FTCDNL1: variants seen among roughly 807,000 people sequenced by gnomAD.
FTCDNL1 encodes the protein formiminotransferase cyclodeaminase N-terminal like, also known as formiminotransferase N-terminal subdomain-containing protein.
Under a neutral mutation model 5.9 loss-of-function variants are expected in FTCDNL1, and 11 were observed. That is an observed-to-expected ratio of 1.87 (90% CI 1.18 to 3.10). The LOEUF is 3.10. FTCDNL1 is among the 30% of genes most tolerant of loss of function. The pLI, the probability that FTCDNL1 is intolerant of heterozygous loss-of-function variation, is 0.00. For missense variants in FTCDNL1, 115 were observed against 65.5 expected, an observed-to-expected ratio of 1.76 and a Z score of -2.61; for synonymous variants, 58 against 24.8, an observed-to-expected ratio of 2.34 and a Z score of -3.99.
chr2:199,683,214 C>G, the FTCDNL1 span, among the ~76,000 whole-genome samples: 2 of 151,974 alleles, frequency 1.3e-5, no homozygotes, highest in Non-Finnish European at 2.9e-5. Context: ...GCGAGCCATT[C>G]CATGAAAAAC....
chr2:199,703,148 G>A, the FTCDNL1 span, among the ~76,000 whole-genome samples: 7 of 151,990 alleles, frequency 4.6e-5, no homozygotes, highest in African/African-American at 1.7e-4. Flanking sequence ...CTGGTGTGCT[G>A]CACCCATTAA....
the FTCDNL1 span, among the ~76,000 whole-genome samples, chr2:199,711,237 CCA>C: frequency 1.3e-5 from 2 of 151,502 alleles, no homozygotes; most frequent in South Asian, 2.1e-4. Flanking sequence ...GAATTCACAC[CCA>C]CAGTTTTTCA....
chr2:199,813,304 T>C (rs1225158967), intron 4 of FTCDNL1, among the ~76,000 whole-genome samples: 2 of 152,252 alleles, frequency 1.3e-5, no homozygotes, highest in African/African-American at 4.8e-5. Flanking sequence ...AGATCAAAAT[T>C]ATTCTCAAAA....
chr2:199,678,134 G>A, the FTCDNL1 span, among the ~76,000 whole-genome samples: 39 of 151,476 alleles, frequency 2.6e-4, no homozygotes, highest in Non-Finnish European at 5.7e-4. Flanking sequence ...GTTGGAGATT[G>A]GGGGTTTGGA....
the FTCDNL1 span, among the ~76,000 whole-genome samples, chr2:199,720,759 A>G: frequency 6.6e-6 from 1 of 152,160 alleles, no homozygotes; most frequent in East Asian, 1.9e-4. Flanking sequence ...TTTTCAAGTA[A>G]GGTCACATTC....
chr2:199,764,061 C>T (rs1170843543), intron 3 of FTCDNL1, among the ~76,000 whole-genome samples: 2 of 152,096 alleles, frequency 1.3e-5, no homozygotes, highest in Non-Finnish European at 2.9e-5. Flanking sequence ...AGGCTGGTCT[C>T]GAACTCCTGA....
chr2:199,736,102 A>C, the FTCDNL1 span, among the ~76,000 whole-genome samples: 6 of 152,088 alleles, frequency 3.9e-5, no homozygotes, highest in African/African-American at 1.4e-4. Flanking sequence ...CAGCCCACCA[A>C]CTCCAGCATT....
rs1559221105 is a variant in FTCDNL1, at chr2:199,821,675, C to T, written c.212-1918G>A. Among the ~76,000 whole-genome samples, 4 of 152,004 alleles carry T rather than the reference C, an allele frequency of 2.6e-5. No individual in the cohort carries two copies. The South Asian group carries it at 8.3e-4, about 32-fold the overall frequency. On this transcript the variant is annotated intron_variant, in intron 3 of 4. Transcript: ENST00000420128. ...ACGGAGTTTCACCATGTTGGCCAGG[C>T]TGGTCTCAAACTTCTCACCTCAAGT...
the FTCDNL1 span, among the ~76,000 whole-genome samples, chr2:199,743,544 G>C: frequency 6.6e-6 from 1 of 152,184 alleles, no homozygotes; most frequent in Non-Finnish European, 1.5e-5. Flanking sequence ...CAAAGGTGTA[G>C]ATGGAGTGGT....
At chr2:199,772,130 C>A (rs181730827) in intron 3 of FTCDNL1, among the ~76,000 whole-genome samples, 80 of 152,274 alleles carry the variant, frequency 5.3e-4, no homozygotes, top group Non-Finnish European at 9.7e-4. Flanking sequence ...AAGGTGTCTT[C>A]TAAGTGACTA....
chr2:199,716,033 TAAAAAAAAAAAAAA>T, the FTCDNL1 span, among the ~76,000 whole-genome samples: 199 of 108,932 alleles, frequency 1.8e-3, 1 homozygote, highest in East Asian at 3.3e-3. Context: ...TGCCTCTAGT[TAAAAAAAAAAAAAA>T]AAAAAAAAAA....
chr2:199,803,507 T>A (rs940531448), intron 3 of FTCDNL1, among the ~76,000 whole-genome samples: 3 of 152,180 alleles, frequency 2.0e-5, no homozygotes, highest in African/African-American at 7.2e-5. Context: ...TCTCACTCTG[T>A]CACCGAGGAT....
chr2:199,749,584 G>A, the FTCDNL1 span, among the ~76,000 whole-genome samples: 1 of 152,052 alleles, frequency 6.6e-6, no homozygotes, highest in African/African-American at 2.4e-5. Context: ...TGAATGGAAA[G>A]TATTAACATT....
downstream of FTCDNL1, among the ~76,000 whole-genome samples, chr2:199,758,466 A>G (rs1451358096): frequency 2.0e-5 from 3 of 151,858 alleles, no homozygotes; most frequent in Non-Finnish European, 2.9e-5. Context: ...AAAAAAAAAA[A>G]AGAACTGGGG....
At chr2:199,738,589 C>T in the FTCDNL1 span, among the ~76,000 whole-genome samples, 2 of 152,168 alleles carry the variant, frequency 1.3e-5, no homozygotes, top group South Asian at 2.1e-4. Context: ...CATATGCAGT[C>T]TTCATGCTGA....
the FTCDNL1 span, among the ~76,000 whole-genome samples, chr2:199,687,688 A>T: frequency 7.5e-6 from 1 of 133,196 alleles, no homozygotes; most frequent in Non-Finnish European, 1.5e-5. Flanking sequence ...CTGAGTGATT[A>T]AAAAAACACA....
chr2:199,815,987 G>A (rs566717833), intron 4 of FTCDNL1, among the ~76,000 whole-genome samples: 5 of 148,142 alleles, frequency 3.4e-5, no homozygotes, highest in African/African-American at 1.0e-4. Flanking sequence ...GTGACAGAGC[G>A]AGACTCCATC....
chr2:199,788,877 T>A (rs1045677146), intron 3 of FTCDNL1, among the ~76,000 whole-genome samples: 16 of 151,910 alleles, frequency 1.1e-4, no homozygotes, highest in Non-Finnish European at 2.4e-4. Context: ...AGATTAAAAA[T>A]TATGAGAATT....
rs1332979093 is a variant in FTCDNL1, at chr2:199,768,194, A to C, written c.212-7359T>G. ...TACTGATTCCAAAATATATTCTGGA[A>C]GTTGCAAATTCTTAACAAAAACCAA... On this transcript the variant is annotated intron_variant, in intron 3 of 3. Transcript: ENST00000416668. Among the ~76,000 whole-genome samples, 4 of 152,252 alleles carry C rather than the reference A, an allele frequency of 2.6e-5. No homozygotes were observed. In the East Asian group the frequency reaches 7.7e-4, roughly 29 times the overall value.
Sources: allele counts gnomAD v4.1 joint callset (sites outside exome capture counted in the v4.1 genomes callset), GRCh38; gene constraint gnomAD v4.1.1; transcripts MANE v1.5; gene names NCBI Gene and HGNC (gene_info 2026-07-23, HGNC 2026-07-21).